TIAM1: variants seen among roughly 807,000 people sequenced by gnomAD.
TIAM1 encodes the protein rho guanine nucleotide exchange factor TIAM1.
In TIAM1, 65 loss-of-function variants were observed where a neutral mutation model predicts 163.5. That is an observed-to-expected ratio of 0.40 (90% CI 0.33 to 0.49). The LOEUF (loss-of-function observed/expected upper bound fraction) is 0.49, where lower values mean the gene tolerates loss of function less well. Among genes scored for constraint, TIAM1 ranks in the 20% least tolerant of loss-of-function variants. The probability of loss-of-function intolerance (pLI) is 0.77; values close to 1 mark genes in which losing one functional copy is unlikely to be tolerated. For synonymous variants in TIAM1, 833 were observed against 810.1 expected (o/e 1.03, Z -0.48); for missense variants, 1,789 against 2,044.7 (o/e 0.87, Z 2.41).
chr21:31,324,645 T>C (rs73355105), intron 2 of TIAM1, among the ~76,000 whole-genome samples: 3,608 of 152,296 alleles, frequency 0.024, 155 homozygotes, highest in African/African-American at 0.081. Context: ...TTTCTGCCTG[T>C]AACCTTTCAG....
At chr21:31,381,922 G>A (rs1011615642) in intron 2 of TIAM1, among the ~76,000 whole-genome samples, 9 of 152,150 alleles carry the variant, frequency 5.9e-5, no homozygotes, top group African/African-American at 2.2e-4. Flanking sequence ...CTTCAAACCA[G>A]GAACCCAATC....
At chr21:31,253,201 C>T (rs1279666846) in intron 4 of TIAM1, among the ~76,000 whole-genome samples, 1 of 152,228 alleles carries the variant, frequency 6.6e-6, no homozygotes, top group Non-Finnish European at 1.5e-5. Context: ...AAGTCTTATG[C>T]ATAAGAAAGG....
At chr21:31,147,226 G>A (rs1056824537) in intron 19 of TIAM1, among the ~76,000 whole-genome samples, 9 of 152,064 alleles carry the variant, frequency 5.9e-5, no homozygotes, top group Non-Finnish European at 1.0e-4. Context: ...TGTCTTCTTA[G>A]TATTTATAGG....
rs914745592 is a variant in TIAM1, at chr21:31,200,374, C to A, written c.2493+2534G>T. ...AAGTGATATCTTTATATTTACAAAC[C>A]TTAAACTGAAAATCAGCATTTCCTT... On this transcript the variant is annotated intron_variant, in intron 12 of 27. Transcript: ENST00000541036. Among the ~76,000 whole-genome samples, 7 of 152,194 alleles carry A rather than the reference C, an allele frequency of 4.6e-5. No individual in the cohort carries two copies. In the South Asian group the frequency reaches 1.5e-3, roughly 32 times the overall value.
At chr21:31,213,868 A>C (rs77081796) in intron 9 of TIAM1, among the ~76,000 whole-genome samples, 1 of 145,632 alleles carries the variant, frequency 6.9e-6, no homozygotes, top group African/African-American at 2.5e-5. Context: ...CATCTCTACA[A>C]AAAAAAAAAA....
Position 31,298,799 on chromosome 21 carries a change from T to TGA in TIAM1, c.-188-21893_-188-21892dup, listed in dbSNP as rs72318608. The stretch of plus-strand genomic sequence containing the variant: ...CAGAGAGAGAGAGAAAAAAAAACAA[T>TGA]GAGAGAGAGAGAGAGAGAGAGAGAG... On this transcript the variant is annotated intron_variant, in intron 2 of 27. Coordinates refer to ENST00000541036, the MANE Select transcript of TIAM1 (RefSeq NM_001353694.2). 9.1e-3 allele frequency among the ~76,000 whole-genome samples: 1,184 copies of TGA among 130,024 alleles called. 13 individuals carry two copies. The highest frequency in any genetic ancestry group is 0.027 in the African/African-American group (976 of 36,784). 85.3% of individuals were successfully genotyped at this position (130,024 alleles called of 152,430 possible). A position where few individuals can be genotyped will look rare whatever the true frequency, so the allele number is the denominator to read the frequency against.
chr21:31,510,651 A>C (rs1316399813), intron 1 of TIAM1, among the ~76,000 whole-genome samples: 2 of 152,076 alleles, frequency 1.3e-5, no homozygotes, highest in Non-Finnish European at 2.9e-5. Context: ...CGTCTCTACT[A>C]AAAATACAAA....
intron 2 of TIAM1, among the ~76,000 whole-genome samples, chr21:31,328,230 G>C (rs1473128508): frequency 6.6e-6 from 1 of 152,010 alleles, no homozygotes; most frequent in African/African-American, 2.4e-5. Context: ...TTCCCACATG[G>C]TACATGTTGT....
intron 1 of TIAM1, among the ~76,000 whole-genome samples, chr21:31,516,292 A>C (rs1602468657): frequency 6.6e-6 from 1 of 152,056 alleles, no homozygotes; most frequent in East Asian, 1.9e-4. Flanking sequence ...TGTGCCTGTA[A>C]TCCCAGCTAC....
chr21:31,323,822 C>T (rs890718523), intron 2 of TIAM1, among the ~76,000 whole-genome samples: 6 of 151,804 alleles, frequency 4.0e-5, no homozygotes, highest in Admixed American at 3.3e-4. Flanking sequence ...CAGAGTGGGA[C>T]TCTGTCTCCA....
chr21:31,452,400 C>A (rs2284517), intron 2 of TIAM1: 1 of 266,168 alleles, frequency 3.8e-6, no homozygotes, highest in Non-Finnish European at 7.1e-6. Context: ...GATCGCACTC[C>A]GGCCTGGGCC....
chr21:31,237,018 A>G (rs1031077122), intron 6 of TIAM1, among the ~76,000 whole-genome samples: 1 of 152,224 alleles, frequency 6.6e-6, no homozygotes, highest in South Asian at 2.1e-4. Flanking sequence ...ACAAAGAGAA[A>G]TGGCAAGACT....
intron 2 of TIAM1, among the ~76,000 whole-genome samples, chr21:31,422,050 A>G (rs1032949479): frequency 1.3e-5 from 2 of 152,028 alleles, no homozygotes; most frequent in Non-Finnish European, 2.9e-5. Context: ...AACAACAACA[A>G]AAAAAGGTAG....
chr21:31,519,815 G>C (rs184700974), intron 1 of TIAM1, among the ~76,000 whole-genome samples: 6 of 152,298 alleles, frequency 3.9e-5, no homozygotes, highest in African/African-American at 1.4e-4. Context: ...ATACTGTTAA[G>C]ATTCCACTTA....
chr21:31,175,246 C>T (rs999852128), intron 15 of TIAM1, among the ~76,000 whole-genome samples: 7 of 152,144 alleles, frequency 4.6e-5, no homozygotes, highest in Non-Finnish European at 1.0e-4. Context: ...AACGCTTGGC[C>T]TCTGGCACTT....
chr21:31,299,578 T>C (rs2074423828), intron 2 of TIAM1, among the ~76,000 whole-genome samples: 1 of 152,208 alleles, frequency 6.6e-6, no homozygotes, highest in Non-Finnish European at 1.5e-5. Flanking sequence ...CTTGAGCAAC[T>C]GTGAAAGAGA....
intron 2 of TIAM1, among the ~76,000 whole-genome samples, chr21:31,452,293 G>C (rs1335171769): frequency 1.3e-5 from 2 of 152,278 alleles, no homozygotes; most frequent in Middle Eastern, 3.4e-3. Flanking sequence ...CAAAATGTTG[G>C]CCAGGCATGG....
chr21:31,294,349 A>G (rs2074151010), intron 2 of TIAM1, among the ~76,000 whole-genome samples: 1 of 152,234 alleles, frequency 6.6e-6, no homozygotes, highest in African/African-American at 2.4e-5. Flanking sequence ...CCCCTTTCTG[A>G]AAATACCCAT....
chr21:31,291,243 T>C (rs561065311), intron 2 of TIAM1, among the ~76,000 whole-genome samples: 1 of 152,126 alleles, frequency 6.6e-6, no homozygotes, highest in South Asian at 2.1e-4. Context: ...TCTGGAAGAA[T>C]AAAGGCTAAC....
Sources: gnomAD v4.1 joint callset for allele counts (sites outside exome capture counted in the v4.1 genomes callset) on GRCh38, gnomAD v4.1.1 for gene constraint, MANE v1.5 for transcripts, NCBI Gene and HGNC (gene_info 2026-07-23, HGNC 2026-07-21) for gene names.